Variants in TMPRSS12 observed in about 807,000 individuals in gnomAD.
TMPRSS12 encodes transmembrane serine protease 12, also known as transmembrane protease serine 12.
A neutral mutation model predicts 26.0 loss-of-function variants in TMPRSS12; 25 were observed. That is an observed-to-expected ratio of 0.96 (90% CI 0.70 to 1.34). The LOEUF (loss-of-function observed/expected upper bound fraction) is 1.34. Among genes scored for constraint, TMPRSS12 ranks in the 40% most tolerant of loss-of-function variants. The probability of loss-of-function intolerance (pLI) is 0.00; values close to 1 mark genes in which losing one functional copy is unlikely to be tolerated. For synonymous variants in TMPRSS12, 150 were observed against 161.7 expected, an observed-to-expected ratio of 0.93 and a Z score of 0.55; for missense variants, 441 against 440.1, an observed-to-expected ratio of 1.00 and a Z score of -0.02.
At chr12:50,879,097 A>G (rs1239495248) in intron 3 of TMPRSS12, among the ~76,000 whole-genome samples, 1 of 152,264 alleles carries the variant, frequency 6.6e-6, no homozygotes. Context: ...TTTATTAAGC[A>G]ACTGTTTATA....
intron 2 of TMPRSS12, 91 bp downstream of exon 2, chr12:50,844,128 CTA>C (rs1183007919): frequency 4.1e-6 from 5 of 1,219,410 alleles, no homozygotes; most frequent in Non-Finnish European, 5.5e-6. Context: ...TTCAGCTAAG[CTA>C]TGTTTGCAAA....
Position 50,844,007 on chromosome 12 carries a change from T to C in TMPRSS12, c.353T>C (p.Leu118Pro). 1 of 1,599,364 alleles carries C rather than the reference T, an allele frequency of 6.3e-7. No individual in the cohort carries two copies. The highest frequency in any genetic ancestry group is 8.5e-7 in the Non-Finnish European group (1 of 1,173,440). The change falls in exon 2 of 5, where the codon CTC becomes CCC. Residue 118 changes from leucine to proline, a missense_variant. Coordinates refer to ENST00000398458, the MANE Select transcript of TMPRSS12 (RefSeq NM_182559.3). ...GGTLVRERWV[L>P]TAAHCTKDAS... Reference sequence around the variant, plus strand: ...ACCCTAGTGAGAGAGAGGTGGGTCCTCACAGCTGCCCACTGCACTAAAGAC... The same window carrying C: ...ACCCTAGTGAGAGAGAGGTGGGTCCCCACAGCTGCCCACTGCACTAAAGAC...
At chr12:50,876,820 A>AAAAG (rs1938118199) in intron 3 of TMPRSS12, among the ~76,000 whole-genome samples, 1 of 151,532 alleles carries the variant, frequency 6.6e-6, no homozygotes, top group Non-Finnish European at 1.5e-5. Flanking sequence ...AAAAAAAAAA[A>AAAAG]AAAGACTGGA....
intron 3 of TMPRSS12, among the ~76,000 whole-genome samples, chr12:50,873,657 G>T (rs935817070): frequency 6.6e-6 from 1 of 152,182 alleles, no homozygotes; most frequent in Non-Finnish European, 1.5e-5. Flanking sequence ...TGCCCCCAGG[G>T]AACATTTGGT....
chr12:50,863,103 C>A (rs771417689), intron 3 of TMPRSS12, among the ~76,000 whole-genome samples: 1 of 151,510 alleles, frequency 6.6e-6, no homozygotes, highest in Non-Finnish European at 1.5e-5. Flanking sequence ...CCCAGGAGTT[C>A]GAGGTTATGG....
intron 2 of TMPRSS12, among the ~76,000 whole-genome samples, chr12:50,847,057 C>CTCA (rs1555205380): frequency 1.8e-5 from 2 of 109,922 alleles, no homozygotes; most frequent in African/African-American, 7.8e-5. Flanking sequence ...AGTCTAAAAA[C>CTCA]TTTTTTTTTT....
intron 3 of TMPRSS12, among the ~76,000 whole-genome samples, chr12:50,883,815 G>A (rs908349602): frequency 6.6e-6 from 1 of 152,150 alleles, no homozygotes; most frequent in African/African-American, 2.4e-5. Flanking sequence ...AGCAGCCTGG[G>A]CAACACAGCA....
intron 1 of TMPRSS12, 92 bp from the exon 2 acceptor site, chr12:50,843,741 TTTAACATAG>T: frequency 7.9e-7 from 1 of 1,263,340 alleles, no homozygotes; most frequent in South Asian, 1.6e-5. Flanking sequence ...GCTTTGTGTT[TTTAACATAG>T]GAATTTAAAG....
At chr12:50,882,798 C>A (rs1296189354) in intron 3 of TMPRSS12, among the ~76,000 whole-genome samples, 1 of 53,212 alleles carries the variant, frequency 1.9e-5, no homozygotes. Flanking sequence ...AAATAAAAAA[C>A]CAGAACTCAG....
intron 3 of TMPRSS12, among the ~76,000 whole-genome samples, chr12:50,872,649 C>CATATATATGACGTATATGTAT (rs146159837): frequency 1.9e-5 from 1 of 52,498 alleles, no homozygotes; most frequent in African/African-American, 9.0e-5. Context: ...CGTATATGTA[C>CATATATATGACGTATATGTAT]ATATATGACG....
chr12:50,880,899 ATG>A (rs1938156661), intron 3 of TMPRSS12, among the ~76,000 whole-genome samples: 1 of 151,044 alleles, frequency 6.6e-6, no homozygotes, highest in Admixed American at 6.6e-5. Flanking sequence ...AAGACTACAA[ATG>A]TGTGATTCCA....
rs762623558 is a variant in TMPRSS12, at chr12:50,858,822, A to C, written c.421A>C (p.Asn141His). The change falls in exon 3 of 5, where the codon AAT (asparagine) becomes CAT (histidine). Residue 141 changes from asparagine to histidine, a missense_variant. Transcript: ENST00000398458. ...GTGGACAGCTGTGATTGGAACTAAT[A>C]ATATACATGGACGCTATCCTCATAC... is the stretch of plus-strand genomic sequence containing the variant. ...LMWTAVIGTNNIHGRYPHTKK... is the reference protein window; with the variant it reads ...LMWTAVIGTNHIHGRYPHTKK... 2.5e-6 allele frequency: 4 copies of C among 1,606,852 alleles called. No individual in the cohort carries two copies. The highest frequency in any genetic ancestry group is 3.4e-6 in the Non-Finnish European group (4 of 1,177,186).
At chr12:50,874,496 T>A (rs1938094968) in intron 3 of TMPRSS12, among the ~76,000 whole-genome samples, 1 of 152,176 alleles carries the variant, frequency 6.6e-6, no homozygotes, top group African/African-American at 2.4e-5. Flanking sequence ...GGAAAATGTA[T>A]TTGATAAAAT....
At position 50,887,860 on chromosome 12, in the gene TMPRSS12, C is replaced by A. The variant is rs1035766152; in HGVS notation, c.*347C>A. On this transcript the variant is annotated 3_prime_UTR_variant, in exon 5 of 5. Coordinates refer to ENST00000398458, the MANE Select transcript of TMPRSS12 (RefSeq NM_182559.3). ...TCATTTGGTTAAATTAATAAAAATT[C>A]TTTCTTAGATTTTATTCTAAAAAAT... 1.8e-5 allele frequency: 3 copies of A among 162,442 alleles called. No homozygotes were observed. Among genetic ancestry groups the A allele is most frequent in the East Asian group, 3.5e-4 (2 of 5,764 alleles). The allele number at this position is 162,442 out of a possible 1,614,324, so 10.1% of individuals were successfully genotyped here.
intron 3 of TMPRSS12, among the ~76,000 whole-genome samples, chr12:50,877,409 A>G (rs1211327434): frequency 6.6e-6 from 1 of 152,218 alleles, no homozygotes; most frequent in African/African-American, 2.4e-5. Context: ...ACAAATTGGA[A>G]ATCAAAAAGG....
chr12:50,857,672 T>G (rs934586605), intron 2 of TMPRSS12, among the ~76,000 whole-genome samples: 11 of 152,180 alleles, frequency 7.2e-5, no homozygotes, highest in Non-Finnish European at 1.5e-4. Context: ...TTGCTTGCTT[T>G]AAGATGGCCA....
In TMPRSS12 at chr12:50,866,478, C is replaced by T. The variant is rs566906521; in HGVS notation, c.652+7425C>T. Among the ~76,000 whole-genome samples the T allele has an allele frequency of 2.6e-5, 4 of 152,180 alleles. No individual in the cohort carries two copies. In the East Asian group the frequency reaches 5.8e-4, roughly 22 times the overall value. Reference sequence around the variant, plus strand: ...TCCCTCACAGCAGCCTCAGCAAGACCCACCCAAGGAGAGTCTGAGCTCAGA... The same window carrying T: ...TCCCTCACAGCAGCCTCAGCAAGACTCACCCAAGGAGAGTCTGAGCTCAGA... On this transcript the variant is annotated intron_variant, in intron 3 of 4. Coordinates refer to ENST00000398458, the MANE Select transcript of TMPRSS12 (RefSeq NM_182559.3).
At chr12:50,883,895 G>A (rs570905756) in intron 3 of TMPRSS12, among the ~76,000 whole-genome samples, 40 of 152,080 alleles carry the variant, frequency 2.6e-4, no homozygotes, top group South Asian at 1.9e-3. Flanking sequence ...CCAGGCACTC[G>A]GGAGGTTGAG....
chr12:50,885,114 C>T (rs1342854095), intron 3 of TMPRSS12, 132 bp from the exon 4 acceptor site: 3 of 730,148 alleles, frequency 4.1e-6, no homozygotes, highest in Non-Finnish European at 2.2e-6. Flanking sequence ...CATATTCATA[C>T]ACATATATAT....
Sources: gnomAD v4.1 joint callset for allele counts (sites outside exome capture counted in the v4.1 genomes callset) on GRCh38, gnomAD v4.1.1 for gene constraint, MANE v1.5 for transcripts, NCBI Gene and HGNC (gene_info 2026-07-23, HGNC 2026-07-21) for gene names.